Variants in NLRP5 observed in about 807,000 individuals in gnomAD.
NLRP5 encodes NLR family pyrin domain containing 5, also known as NACHT, LRR and PYD domains-containing protein 5.
A neutral mutation model predicts 113.1 loss-of-function variants in NLRP5; 93 were observed. That is an observed-to-expected ratio of 0.82 (90% CI 0.70 to 0.98). The LOEUF (loss-of-function observed/expected upper bound fraction) is 0.98, where lower values mean the gene tolerates loss of function less well. NLRP5 is among the 50% of genes least tolerant of loss of function. The pLI, the probability that NLRP5 is intolerant of heterozygous loss-of-function variation, is 0.00. For missense variants in NLRP5, 1,808 were observed against 1,514.3 expected (o/e 1.19, Z -3.22); for synonymous variants, 751 against 600.7 (o/e 1.25, Z -3.66).
chr19:56,041,593 C>T (rs1983525003), intron 11 of NLRP5, among the ~76,000 whole-genome samples: 1 of 152,174 alleles, frequency 6.6e-6, no homozygotes, highest in African/African-American at 2.4e-5. Context: ...GACCTCACAG[C>T]CTCCCCACGC....
Position 56,061,571 on chromosome 19 carries a change from A to G in NLRP5, c.*43A>G. ...CCACTCACACCCATCTGATGGAGGAACTTTAAACGCTGTTTTCTCAGAGCA... is the reference window on the plus strand; with the variant it reads ...CCACTCACACCCATCTGATGGAGGAGCTTTAAACGCTGTTTTCTCAGAGCA... On this transcript the variant is annotated 3_prime_UTR_variant, in exon 15 of 15. Coordinates refer to ENST00000390649, the MANE Select transcript of NLRP5 (RefSeq NM_153447.4). The G allele has an allele frequency of 6.2e-7, 1 of 1,610,022 alleles. No individual in the cohort carries two copies. The highest frequency in any genetic ancestry group is 8.5e-7 in the Non-Finnish European group (1 of 1,177,316).
rs59417225 is a variant in NLRP5 at position 56,061,164 on chromosome 19, G to T, written c.3471-232G>T. 0.15 allele frequency among the ~76,000 whole-genome samples: 23,211 copies of T among 152,170 alleles called. 2,112 individuals are homozygous for T. Among genetic ancestry groups the T allele is most frequent in the African/African-American group, 0.26 (10,673 of 41,488 alleles). ...TACTTTTTCTAACCGATTTCAGCCA[G>T]TTCTTTCATAAGTGGAGGGGGAGTC... On this transcript the variant is annotated intron_variant, in intron 14 of 14. Transcript: ENST00000390649.
In NLRP5 at chr19:56,005,350, CAT is replaced by C. The variant is rs200559520; in HGVS notation, c.442+1260_442+1261del. 6.7e-3 allele frequency among the ~76,000 whole-genome samples: 789 copies of C among 116,914 alleles called. 2 individuals carry two copies. Among genetic ancestry groups the C allele is most frequent in the Non-Finnish European group, 0.011 (598 of 53,124 alleles). 76.7% of individuals were successfully genotyped at this position (116,914 alleles called of 152,430 possible). On this transcript the variant is annotated intron_variant, in intron 2 of 14. Coordinates refer to ENST00000390649, the MANE Select transcript of NLRP5 (RefSeq NM_153447.4). ...ATTTATATATACACATACACATACACATATATTTTTATATACACACATATATA... is the reference window on the plus strand; with the variant it reads ...ATTTATATATACACATACACATACACATATTTTTATATACACACATATATA...
At chr19:56,043,720 C>T (rs577535789) in intron 11 of NLRP5, among the ~76,000 whole-genome samples, 3 of 151,522 alleles carry the variant, frequency 2.0e-5, no homozygotes, top group Admixed American at 6.6e-5. Context: ...CTACAGGCGC[C>T]CACCACCACA....
chr19:56,005,575 ACACACACG>A (rs1438343591), intron 2 of NLRP5, among the ~76,000 whole-genome samples: 1 of 34,824 alleles, frequency 2.9e-5, no homozygotes, highest in South Asian at 7.9e-4. Flanking sequence ...ATATATTTAT[ACACACACG>A]CACACACGCA....
At chr19:56,000,331 G>A (rs1019417415) in intron 1 of NLRP5, among the ~76,000 whole-genome samples, 2 of 151,552 alleles carry the variant, frequency 1.3e-5, no homozygotes, top group Non-Finnish European at 2.9e-5. Flanking sequence ...TGTCCCAGGG[G>A]AAAACGTGTA....
chr19:56,027,194 G>T lies in NLRP5; in HGVS notation c.961G>T (p.Val321Phe). ...GTTCTCCTACGTCTTCTTCCTCCCC[G>T]TTAGAGAGATGCAGCGGAAGAAGGA... is the stretch of plus-strand genomic sequence containing the variant. Residue 321 changes from valine to phenylalanine, a missense_variant, in exon 7 of 15, where the codon GTT becomes TTT. Coordinates refer to ENST00000390649, the MANE Select transcript of NLRP5 (RefSeq NM_153447.4). 1 of 1,610,226 alleles carries T rather than the reference G, an allele frequency of 6.2e-7. No individual in the cohort carries two copies. Among genetic ancestry groups the T allele is most frequent in the Non-Finnish European group, 8.5e-7 (1 of 1,178,350 alleles).
At chr19:56,006,716 A>G (rs1008806820) in intron 2 of NLRP5, among the ~76,000 whole-genome samples, 1 of 151,602 alleles carries the variant, frequency 6.6e-6, no homozygotes, top group African/African-American at 2.4e-5. Context: ...TGGGTGACAG[A>G]GCGAGACTCC....
chr19:56,018,979 A>G (rs1982510032), intron 4 of NLRP5, among the ~76,000 whole-genome samples: 1 of 152,056 alleles, frequency 6.6e-6, no homozygotes, highest in Non-Finnish European at 1.5e-5. Flanking sequence ...ATTTTTTAGT[A>G]GAGATGGGGT....
intron 11 of NLRP5, among the ~76,000 whole-genome samples, chr19:56,043,217 C>T (rs1983584521): frequency 6.6e-6 from 1 of 152,132 alleles, no homozygotes; most frequent in Non-Finnish European, 1.5e-5. Flanking sequence ...GTTTACTTTC[C>T]CACCAGCAGA....
chr19:56,052,030 C>T (rs1983948834), intron 12 of NLRP5, among the ~76,000 whole-genome samples: 1 of 152,102 alleles, frequency 6.6e-6, no homozygotes, highest in Admixed American at 6.6e-5. Flanking sequence ...TTAGAGACAT[C>T]ATTTTTTTGA....
intron 4 of NLRP5, among the ~76,000 whole-genome samples, chr19:56,016,602 C>T (rs1599884618): frequency 1.3e-5 from 2 of 152,184 alleles, no homozygotes; most frequent in Admixed American, 6.5e-5. Context: ...CCAACTTTCC[C>T]GGTCCACTCT....
intron 10 of NLRP5, among the ~76,000 whole-genome samples, chr19:56,038,661 G>C (rs140531804): frequency 1.7e-4 from 26 of 152,212 alleles, no homozygotes; most frequent in African/African-American, 5.1e-4. Flanking sequence ...TCAAAAAGGA[G>C]GAGGGTCACC....
chr19:56,058,152 A>G, intron 13 of NLRP5, 88 bp from the exon 14 acceptor site: 1 of 1,020,728 alleles, frequency 9.8e-7, no homozygotes, highest in Non-Finnish European at 1.4e-6. Context: ...TTCCCAAAGA[A>G]AAAGTATCAA....
At position 56,038,091 on chromosome 19, in the gene NLRP5, C is replaced by A. The variant is rs760432568; in HGVS notation, c.2682C>A (p.Pro894=). 5 of 1,613,854 alleles carry A rather than the reference C, an allele frequency of 3.1e-6. No homozygotes were observed. The highest frequency in any genetic ancestry group is 1.7e-5 in the Admixed American group (1 of 59,994). The change falls in exon 10 of 15, where the codon CCC becomes CCA. Residue 894 remains proline, a synonymous_variant. Coordinates refer to ENST00000390649, the MANE Select transcript of NLRP5 (RefSeq NM_153447.4). ...TCTCCCAAATCCTTACGACCTCCCC[C>A]AGCCTGAAATCTCTGAGCCTGGCAG... is the stretch of plus-strand genomic sequence containing the variant.
At position 56,003,842 on chromosome 19, in the gene NLRP5, C is replaced by T. The variant is rs543185262; in HGVS notation, c.189C>T (p.Tyr63=). ...ACAAATCGCTCACCTTTTCCAGCTA[C>T]GGGCTGCAATGGTGTCTCTATGAGC... is the stretch of plus-strand genomic sequence containing the variant. The change falls in exon 2 of 15, where the codon TAC becomes TAT. Residue 63 remains tyrosine, a synonymous_variant. Transcript: ENST00000390649. The T allele has an allele frequency of 1.1e-5, 17 of 1,613,844 alleles. No homozygotes were observed. The highest frequency in any genetic ancestry group is 1.6e-4 in the Middle Eastern group (1 of 6,084).
intron 6 of NLRP5, among the ~76,000 whole-genome samples, chr19:56,022,922 G>T (rs894793857): frequency 4.6e-5 from 7 of 152,102 alleles, no homozygotes; most frequent in African/African-American, 1.7e-4. Flanking sequence ...GATGGGGTTT[G>T]TCCATATTGG....
At chr19:55,993,979 G>C in the NLRP5 span, among the ~76,000 whole-genome samples, 1 of 151,784 alleles carries the variant, frequency 6.6e-6, no homozygotes, top group Non-Finnish European at 1.5e-5. Context: ...GATATACTTC[G>C]GGTAAATCAC....
the NLRP5 span, chr19:55,988,440 GTGTGTATATATATATATATA>G: frequency 3.0e-5 from 3 of 100,554 alleles, no homozygotes; most frequent in African/African-American, 1.2e-4. Context: ...ATATATGTGT[GTGTGTATATATATATATATA>G]TATATATATG....
Sources: gnomAD v4.1 joint callset for allele counts (sites outside exome capture counted in the v4.1 genomes callset) on GRCh38, gnomAD v4.1.1 for gene constraint, MANE v1.5 for transcripts, NCBI Gene and HGNC (gene_info 2026-07-23, HGNC 2026-07-21) for gene names.